Variants in FIG4 observed in about 807,000 individuals in gnomAD.
The protein encoded by FIG4 is polyphosphoinositide phosphatase.
FIG4 carries 112 observed loss-of-function variants against 118.6 expected under a neutral mutation model. The observed-to-expected ratio is 0.94, with a 90% CI of 0.81 to 1.11. FIG4 has a LOEUF of 1.11. Ranked by LOEUF, FIG4 falls within the 50% of genes least tolerant of loss-of-function variation. The pLI is 0.00. For missense variants in FIG4, 969 were observed against 1,111.7 expected (o/e 0.87, Z 1.83); for synonymous variants, 369 against 381.2 (o/e 0.97, Z 0.37).
chr6:109,743,512 A>G, intron 9 of FIG4, 163 bp from the exon 10 acceptor site: 2 of 687,690 alleles, frequency 2.9e-6, no homozygotes, highest in Non-Finnish European at 2.6e-6. Context: ...TGTAATAAAT[A>G]CATGATGAAT....
At chr6:109,697,829 T>C (rs988672398) in intron 1 of FIG4, among the ~76,000 whole-genome samples, 2 of 152,186 alleles carry the variant, frequency 1.3e-5, no homozygotes, top group Non-Finnish European at 2.9e-5. Context: ...TTGGCATCCT[T>C]TGAAAAAACT....
chr6:109,757,620 A>G (rs1776958689), intron 10 of FIG4, among the ~76,000 whole-genome samples: 1 of 152,216 alleles, frequency 6.6e-6, no homozygotes, highest in South Asian at 2.1e-4. Context: ...CAGAACAATC[A>G]GGCAAGAGAA....
intron 10 of FIG4, among the ~76,000 whole-genome samples, chr6:109,758,759 C>G (rs1418528453): frequency 2.0e-5 from 3 of 151,888 alleles, no homozygotes; most frequent in Admixed American, 1.3e-4. Flanking sequence ...AACAAACTTA[C>G]AAGAAAATAC....
chr6:109,798,540 C>T (rs1455807055), intron 22 of FIG4, among the ~76,000 whole-genome samples: 1 of 152,096 alleles, frequency 6.6e-6, no homozygotes, highest in African/African-American at 2.4e-5. Context: ...AGAACCTGGG[C>T]TGGGGATGTA....
chr6:109,717,948 G>A (rs1478990342), intron 3 of FIG4, among the ~76,000 whole-genome samples: 1 of 152,132 alleles, frequency 6.6e-6, no homozygotes, highest in African/African-American at 2.4e-5. Flanking sequence ...GGTTGTATTG[G>A]TTCGTTCTCG....
chr6:109,698,567 C>T lies in FIG4; in HGVS notation c.66+7066C>T, dbSNP rs368951506. On this transcript the variant is annotated intron_variant, in intron 1 of 22. Coordinates refer to ENST00000230124, the MANE Select transcript of FIG4 (RefSeq NM_014845.6). ...AATAGAAGTGACCGGAACAGACATT[C>T]TTGTCTTGTTTTTTATCTTAGAGGG... 4.0e-4 allele frequency among the ~76,000 whole-genome samples: 61 copies of T among 152,320 alleles called. No homozygotes were observed. In the South Asian group the frequency reaches 0.012, roughly 30 times the overall value.
chr6:109,743,679 T>C lies in FIG4; in HGVS notation c.1044T>C (p.Asp348=). The change falls in exon 10 of 23, where the codon GAT becomes GAC. Residue 348 remains aspartate (D), a synonymous_variant. Coordinates refer to ENST00000230124, the MANE Select transcript of FIG4 (RefSeq NM_014845.6). The part of the protein sequence containing the change: ...TMMPKPPITL[D]QADPFAHVAA... The stretch of plus-strand genomic sequence containing the variant: ...TTCATCTTTTTTCCTTCTCAGTGGA[T>C]CAGGCAGATCCATTTGCACATGTGG... 6.2e-7 allele frequency: 1 copy of C among 1,611,400 alleles called. No individual in the cohort carries two copies. Among genetic ancestry groups the C allele is most frequent in the Non-Finnish European group, 8.5e-7 (1 of 1,178,132 alleles).
At chr6:109,738,679 A>G (rs1394290748) in intron 7 of FIG4, among the ~76,000 whole-genome samples, 1 of 152,200 alleles carries the variant, frequency 6.6e-6, no homozygotes, top group African/African-American at 2.4e-5. Flanking sequence ...AGAAAATGCA[A>G]TGTGATATAG....
intron 22 of FIG4, among the ~76,000 whole-genome samples, chr6:109,816,596 C>T (rs542156430): frequency 6.6e-6 from 1 of 152,216 alleles, no homozygotes; most frequent in African/African-American, 2.4e-5. Context: ...TTGTATCCTG[C>T]ACAGACCCAG....
chr6:109,823,196 G>T (rs1779061995), intron 22 of FIG4, among the ~76,000 whole-genome samples: 1 of 152,124 alleles, frequency 6.6e-6, no homozygotes, highest in Non-Finnish European at 1.5e-5. Context: ...TCCCTGACAG[G>T]TTGAAGACAG....
chr6:109,695,044 A>G (rs1298513068), intron 1 of FIG4, among the ~76,000 whole-genome samples: 2 of 152,246 alleles, frequency 1.3e-5, no homozygotes, highest in Non-Finnish European at 2.9e-5. Context: ...TCAAAAAACT[A>G]AAAATCCGGC....
intron 22 of FIG4, among the ~76,000 whole-genome samples, chr6:109,803,450 G>A (rs1361894573): frequency 1.3e-5 from 2 of 152,264 alleles, no homozygotes; most frequent in South Asian, 4.1e-4. Flanking sequence ...TGCCAGGATA[G>A]CAAATATACA....
chr6:109,694,689 C>G (rs1230225417), intron 1 of FIG4, among the ~76,000 whole-genome samples: 1 of 152,124 alleles, frequency 6.6e-6, no homozygotes, highest in Non-Finnish European at 1.5e-5. Context: ...ACTCTTCATC[C>G]AAGAAGGGAC....
At chr6:109,805,011 G>A (rs1328946501) in intron 22 of FIG4, among the ~76,000 whole-genome samples, 2 of 152,180 alleles carry the variant, frequency 1.3e-5, no homozygotes, top group Non-Finnish European at 2.9e-5. Context: ...GAGATGCAAG[G>A]TTTAACAAAT....
At chr6:109,807,429 A>G (rs1025151885) in intron 22 of FIG4, among the ~76,000 whole-genome samples, 10 of 152,200 alleles carry the variant, frequency 6.6e-5, no homozygotes, top group African/African-American at 1.7e-4. Context: ...GTGTCTGTTC[A>G]TATCCTTCTC....
intron 1 of FIG4, among the ~76,000 whole-genome samples, chr6:109,695,091 A>G (rs1157006319): frequency 3.3e-5 from 5 of 152,226 alleles, no homozygotes; most frequent in Non-Finnish European, 7.3e-5. Context: ...GGGGATTTCA[A>G]AAAGTTCATG....
At chr6:109,794,235 T>A (rs186895361) in intron 21 of FIG4, among the ~76,000 whole-genome samples, 1 of 152,344 alleles carries the variant, frequency 6.6e-6, no homozygotes, top group African/African-American at 2.4e-5. Context: ...TAAAAAGATA[T>A]TATCCCCTTT....
chr6:109,698,646 C>G (rs564905547), intron 1 of FIG4, among the ~76,000 whole-genome samples: 8 of 152,278 alleles, frequency 5.3e-5, no homozygotes, highest in Admixed American at 5.2e-4. Flanking sequence ...GTTAGATACC[C>G]TTTTTCAGAT....
chr6:109,762,254 T>A, intron 12 of FIG4, 47 bp downstream of exon 12: 1 of 1,167,846 alleles, frequency 8.6e-7, no homozygotes, highest in Non-Finnish European at 1.3e-6. Context: ...ATTTTTGCTC[T>A]TATGGGTATT....
Sources: gnomAD v4.1 joint callset for allele counts (sites outside exome capture counted in the v4.1 genomes callset) on GRCh38, gnomAD v4.1.1 for gene constraint, MANE v1.5 for transcripts, NCBI Gene and HGNC (gene_info 2026-07-23, HGNC 2026-07-21) for gene names.